Variants in B4GALNT4 observed in about 807,000 individuals in gnomAD.
B4GALNT4 encodes N-acetyl-beta-glucosaminyl-glycoprotein 4-beta-N-acetylgalactosaminyltransferase 1.
Under a neutral mutation model 110.0 loss-of-function variants are expected in B4GALNT4, and 77 were observed. That is an observed-to-expected ratio of 0.70 (90% CI 0.58 to 0.85). The LOEUF (loss-of-function observed/expected upper bound fraction) is 0.85, where lower values mean the gene tolerates loss of function less well. Among genes scored for constraint, B4GALNT4 ranks in the 40% least tolerant of loss-of-function variants. B4GALNT4 has a pLI of 0.00. For synonymous variants in B4GALNT4, 785 were observed against 655.5 expected, an observed-to-expected ratio of 1.20 and a Z score of -3.02; for missense variants, 1,575 against 1,506.0, an observed-to-expected ratio of 1.05 and a Z score of -0.76.
chr11:373,604 C>A, intron 7 of B4GALNT4, 88 bp downstream of exon 7: 1 of 1,537,102 alleles, frequency 6.5e-7, no homozygotes, highest in Non-Finnish European at 8.9e-7. Context: ...CACACTTGCG[C>A]ACACTCTGCA....
At position 380,454 on chromosome 11, in the gene B4GALNT4, C is replaced by T; in HGVS notation, c.2869+9C>T. On this transcript the variant is annotated intron_variant, in intron 18 of 19. Transcript: ENST00000329962. ...GCCCCGGGACCCCCACGGTGAGGCC[C>T]CGAGCGTCCCACCCTGTGATACCAG... The T allele has an allele frequency of 1.3e-6, 2 of 1,582,600 alleles. No individual in the cohort carries two copies. Among genetic ancestry groups the T allele is most frequent in the Middle Eastern group, 1.7e-4 (1 of 6,030 alleles).
chr11:379,253 T>C (rs1846821426), intron 14 of B4GALNT4, among the ~76,000 whole-genome samples, 165 bp from the exon 15 acceptor site: 1 of 152,086 alleles, frequency 6.6e-6, no homozygotes, highest in South Asian at 2.1e-4. Flanking sequence ...GGCTGGAAGG[T>C]GGACCTGCCT....
chr11:373,474 G>A lies in B4GALNT4; in HGVS notation c.662G>A (p.Gly221Glu). 6.2e-7 allele frequency: 1 copy of A among 1,604,672 alleles called. No individual in the cohort carries two copies. The highest frequency in any genetic ancestry group is 1.1e-5 in the South Asian group (1 of 90,832). ...GKTGSEWTAP[G>E]EFTKFSSQVS... ...ACTGGCTCCGAGTGGACAGCGCCTGGAGAATTCACCAAGTTCAGCTCCCAG... is the reference window on the plus strand; with the variant it reads ...ACTGGCTCCGAGTGGACAGCGCCTGAAGAATTCACCAAGTTCAGCTCCCAG... The change falls in exon 7 of 20, where the codon GGA becomes GAA. Residue 221 changes from glycine to glutamate, a missense_variant. Transcript: ENST00000329962.
chr11:380,672 G>GCA, intron 18 of B4GALNT4, 153 bp from the exon 19 acceptor site: 1 of 1,378,696 alleles, frequency 7.3e-7, no homozygotes, highest in Middle Eastern at 1.8e-4. Flanking sequence ...GCGCTCCAGG[G>GCA]TCATGACCCA....
Position 380,901 on chromosome 11 carries a change from G to C in B4GALNT4, c.2946G>C (p.Thr982=). 2 of 1,613,722 alleles carry C rather than the reference G, an allele frequency of 1.2e-6. No homozygotes were observed. Among genetic ancestry groups the C allele is most frequent in the Non-Finnish European group, 1.7e-6 (2 of 1,179,844 alleles). The change falls in exon 19 of 20, where the codon ACG becomes ACC. Residue 982 remains threonine (T), a synonymous_variant. Coordinates refer to ENST00000329962, the MANE Select transcript of B4GALNT4 (RefSeq NM_178537.5). ...TTGACCGGGTTGGAGGAATGAACAC[G>C]GAGGAGTTCCGAGACCAGTGGGGGG... ...SDFDRVGGMN[T]EEFRDQWGGE...
Position 372,694 on chromosome 11 carries a change from T to G in B4GALNT4, c.288T>G (p.Pro96=), listed in dbSNP as rs762867691. ...GTCGGGACCTAGACATGCTGTTTCC[T>G]GGGGGGGCTGGGAGGCTGCCACTGA... is the stretch of plus-strand genomic sequence containing the variant. The part of the protein sequence containing the change: ...PEGRDLDMLF[P]GGAGRLPLNF... The change falls in exon 3 of 20, where the codon CCT becomes CCG. Residue 96 remains proline (P), a synonymous_variant. Coordinates refer to ENST00000329962, the MANE Select transcript of B4GALNT4 (RefSeq NM_178537.5). 1 of 1,609,718 alleles carries G rather than the reference T, an allele frequency of 6.2e-7. No homozygotes were observed. The highest frequency in any genetic ancestry group is 1.7e-5 in the Admixed American group (1 of 59,640).
chr11:378,179 A>AGGC (rs1846799776), intron 14 of B4GALNT4, among the ~76,000 whole-genome samples: 1 of 152,092 alleles, frequency 6.6e-6, no homozygotes, highest in Non-Finnish European at 1.5e-5. Flanking sequence ...CAGAGGATGG[A>AGGC]GGCACAGCTG....
intron 14 of B4GALNT4, 73 bp downstream of exon 14, chr11:377,400 T>G (rs967917982): frequency 1.9e-4 from 272 of 1,402,478 alleles, no homozygotes; most frequent in Admixed American, 3.1e-4. Flanking sequence ...GGTCCTGGCC[T>G]TGGCGGACTC....
chr11:380,671 G>T lies in B4GALNT4; in HGVS notation c.2870-154G>T, dbSNP rs377231984. The T allele has an allele frequency of 2.2e-5, 30 of 1,369,546 alleles. No individual in the cohort carries two copies. In the African/African-American group the frequency reaches 4.0e-4, roughly 18 times the overall value. 84.8% of individuals were successfully genotyped at this position (1,369,546 alleles called of 1,614,324 possible). A position where few individuals can be genotyped will look rare whatever the true frequency, so the allele number is the denominator to read the frequency against. On this transcript the variant is annotated intron_variant, in intron 18 of 19. Transcript: ENST00000329962. ...CCCGCGTTTATGCACCGCGCTCCAG[G>T]GTCATGACCCAGTACCACCGGACGA...
intron 9 of B4GALNT4, 23 bp from the exon 10 acceptor site, chr11:375,616 C>T (rs1293659334): frequency 5.0e-6 from 8 of 1,594,320 alleles, no homozygotes; most frequent in South Asian, 1.1e-5. Flanking sequence ...TCTGAGCACT[C>T]CCTGGAACTC....
rs1469936194 is a variant in B4GALNT4 at position 373,248 on chromosome 11, A to C, written c.593A>C (p.Asp198Ala). ...AACTCGGAGTTCTGGCTGAGTCTGGACGAGAGCCCTGCTGCTGCCCAGCTT... is the reference window on the plus strand; with the variant it reads ...AACTCGGAGTTCTGGCTGAGTCTGGCCGAGAGCCCTGCTGCTGCCCAGCTT... ...DDNSEFWLSL[D>A]ESPAAAQLVA... The change falls in exon 6 of 20, where the codon GAC becomes GCC. Residue 198 changes from aspartate (D) to alanine (A), a missense_variant. Transcript: ENST00000329962. The C allele has an allele frequency of 6.2e-7, 1 of 1,611,870 alleles. No individual in the cohort carries two copies.
At position 373,770 on chromosome 11, in the gene B4GALNT4, AC is replaced by A. The variant is rs1846669014; in HGVS notation, c.726del (p.Tyr243ThrfsTer27). The A allele has an allele frequency of 6.2e-7, 1 of 1,612,262 alleles. No homozygotes were observed. Among genetic ancestry groups the A allele is most frequent in the Non-Finnish European group, 8.5e-7 (1 of 1,179,824 alleles). ...CCCAGGCTCATGGCCTCCCGGAGGTACTACTTTGAGTTGCTGCACAAGCAGG... is the reference window on the plus strand; with the variant it reads ...CCCAGGCTCATGGCCTCCCGGAGGTATACTTTGAGTTGCTGCACAAGCAGG... ...KPRRLMASRR[Y>X]YFELLHKQDD... On this transcript the variant is annotated frameshift_variant, in exon 8 of 20. Transcript: ENST00000329962. LOFTEE classifies it high-confidence loss of function.
chr11:379,512 G>T lies in B4GALNT4; in HGVS notation c.2299G>T (p.Gly767Trp). The T allele has an allele frequency of 6.3e-7, 1 of 1,576,894 alleles. No homozygotes were observed. ...GCTGGAGCTGGAGCTGCAGGAGCGC[G>T]GGGGCGGCCGCCTGCGACTGTCCGA... ...FLLELELQERGGGRLRLSEYV... is the reference protein window; with the variant it reads ...FLLELELQERWGGRLRLSEYV... The change falls in exon 15 of 20, where the codon GGG (glycine) becomes TGG (tryptophan). Residue 767 changes from glycine to tryptophan, a missense_variant. Physicochemically the swap from Gly to Trp is radical, Grantham distance 184 (BLOSUM62 -2). Transcript: ENST00000329962.
At position 379,435 on chromosome 11, in the gene B4GALNT4, G is replaced by A. The variant is rs779743206; in HGVS notation, c.2222G>A (p.Arg741His). Residue 741 changes from arginine to histidine, a missense_variant, in exon 15 of 20, where the codon CGC (arginine) becomes CAC (histidine). Transcript: ENST00000329962. The part of the protein sequence containing the change: ...ARHGGRFALL[R>H]IVNVEKRRDS... ...CCTTGCAGGCGCTTCGCGCTTCTGC[G>A]CATCGTGAACGTGGAGAAGCGCCGG... 3 of 1,535,154 alleles carry A rather than the reference G, an allele frequency of 2.0e-6. No individual in the cohort carries two copies. Among genetic ancestry groups the A allele is most frequent in the Admixed American group, 2.0e-5 (1 of 48,880 alleles).
chr11:380,237 G>A, intron 17 of B4GALNT4, 35 bp downstream of exon 17: 3 of 1,606,418 alleles, frequency 1.9e-6, no homozygotes, highest in South Asian at 2.2e-5. Context: ...GGAGCAAAAC[G>A]GGGCGTGCCC....
Position 375,453 on chromosome 11 carries a change from C to T in B4GALNT4, c.784-8C>T, listed in dbSNP as rs1471159372. On this transcript the variant is annotated splice_region_variant and splice_polypyrimidine_tract_variant and intron_variant, in intron 8 of 19. Coordinates refer to ENST00000329962, the MANE Select transcript of B4GALNT4 (RefSeq NM_178537.5). Reference sequence around the variant, plus strand: ...CTGTCCCTGACCCCCACCCTCTCTGCCCCGCAGTGGCGAGCTTTCCTGCCC... The same window carrying T: ...CTGTCCCTGACCCCCACCCTCTCTGTCCCGCAGTGGCGAGCTTTCCTGCCC... 4.3e-6 allele frequency: 7 copies of T among 1,611,398 alleles called. No individual in the cohort carries two copies. Among genetic ancestry groups the T allele is most frequent in the South Asian group, 1.1e-5 (1 of 91,058 alleles).
intron 8 of B4GALNT4, among the ~76,000 whole-genome samples, chr11:374,398 C>T (rs1004689755): frequency 2.7e-5 from 4 of 149,284 alleles, no homozygotes; most frequent in Non-Finnish European, 4.5e-5. Context: ...GGGCCTGCAG[C>T]CTGGTGGGTG....
chr11:373,124 G>T lies in B4GALNT4; in HGVS notation c.535+8G>T. 6.2e-7 allele frequency: 1 copy of T among 1,612,594 alleles called. No homozygotes were observed. The highest frequency in any genetic ancestry group is 1.3e-5 in the African/African-American group (1 of 74,994). The stretch of plus-strand genomic sequence containing the variant: ...TCCACCCGGCGAGGGACGGTACGGG[G>T]GTGAGGGTGCCCCGGGGGAGGGGTG... On this transcript the variant is annotated splice_region_variant and intron_variant, in intron 5 of 19. Coordinates refer to ENST00000329962, the MANE Select transcript of B4GALNT4 (RefSeq NM_178537.5).
chr11:378,787 T>C (rs1291484173), intron 14 of B4GALNT4, among the ~76,000 whole-genome samples: 1 of 151,972 alleles, frequency 6.6e-6, no homozygotes, highest in Non-Finnish European at 1.5e-5. Context: ...CCTCCTCCAC[T>C]CAGGGATCAG....
Sources: allele counts gnomAD v4.1 joint callset (sites outside exome capture counted in the v4.1 genomes callset), GRCh38; gene constraint gnomAD v4.1.1; transcripts MANE v1.5; gene names NCBI Gene and HGNC (gene_info 2026-07-23, HGNC 2026-07-21).